CNTN4: variants seen among roughly 807,000 people sequenced by gnomAD.
The protein encoded by CNTN4 is contactin-4.
A neutral mutation model predicts 122.5 loss-of-function variants in CNTN4; 77 were observed. The observed-to-expected ratio is 0.63, with a 90% confidence interval of 0.52 to 0.76. The LOEUF is 0.76. Ranked by LOEUF, CNTN4 falls within the 30% of genes least tolerant of loss-of-function variation. CNTN4 has a pLI of 0.00. For synonymous variants in CNTN4, 512 were observed against 447.0 expected, an observed-to-expected ratio of 1.15 and a Z score of -1.83; for missense variants, 1,256 against 1,259.1, an observed-to-expected ratio of 1.00 and a Z score of 0.04.
chr3:3,034,663 A>G lies in CNTN4; in HGVS notation c.1815A>G (p.Ile605Met). 1.2e-6 allele frequency: 2 copies of G among 1,614,146 alleles called. No homozygotes were observed. Among genetic ancestry groups the G allele is most frequent in the Non-Finnish European group, 1.7e-6 (2 of 1,180,028 alleles). ...GPPGPPEAVT[I>M]DEITDTTAQL... is the part of the protein sequence containing the mutation. Reference sequence around the variant, plus strand: ...CAGGTCCCCCAGAGGCTGTGACAATAGACGAAATCACAGATACCACTGCTC... The same window carrying G: ...CAGGTCCCCCAGAGGCTGTGACAATGGACGAAATCACAGATACCACTGCTC... The change falls in exon 17 of 25, where the codon ATA (isoleucine) becomes ATG (methionine). Residue 605 changes from isoleucine to methionine, a missense_variant. Coordinates refer to ENST00000418658, the MANE Select transcript of CNTN4 (RefSeq NM_175607.3).
At chr3:2,598,672 T>C (rs181510263) in intron 4 of CNTN4, among the ~76,000 whole-genome samples, 1 of 152,274 alleles carries the variant, frequency 6.6e-6, no homozygotes, top group African/African-American at 2.4e-5. Context: ...TAATAGAAAT[T>C]CAGTAGAATT....
At chr3:2,318,937 A>G (rs566124002) in intron 2 of CNTN4, among the ~76,000 whole-genome samples, 2 of 152,192 alleles carry the variant, frequency 1.3e-5, no homozygotes, top group Non-Finnish European at 2.9e-5. Context: ...ATAATCCCCA[A>G]AACGCCCAAG....
In CNTN4 at chr3:2,222,850, A is replaced by G. The variant is rs79936177; in HGVS notation, c.-144-116328A>G. On this transcript the variant is annotated intron_variant, in intron 2 of 24. Coordinates refer to ENST00000418658, the MANE Select transcript of CNTN4 (RefSeq NM_175607.3). Reference sequence around the variant, plus strand: ...CATCTTTCTCATCTTTCTCTAAACTAAACAAACACTGGAATTACCACCATT... The same window carrying G: ...CATCTTTCTCATCTTTCTCTAAACTGAACAAACACTGGAATTACCACCATT... Among the ~76,000 whole-genome samples the G allele has an allele frequency of 7.6e-3, 1,151 of 152,238 alleles. 23 individuals carry two copies. The highest frequency in any genetic ancestry group is 0.026 in the African/African-American group (1,092 of 41,542).
intron 2 of CNTN4, among the ~76,000 whole-genome samples, chr3:2,137,711 G>T (rs947337463): frequency 2.6e-5 from 4 of 152,194 alleles, no homozygotes; most frequent in African/African-American, 9.6e-5. Flanking sequence ...TAAGCAGGAA[G>T]AAATGAATTT....
At chr3:2,904,683 T>G (rs1657463192) in intron 12 of CNTN4, among the ~76,000 whole-genome samples, 2 of 152,246 alleles carry the variant, frequency 1.3e-5, no homozygotes, top group Admixed American at 1.3e-4. Context: ...CTATTGGTAC[T>G]TGGAACTGAG....
chr3:2,305,353 C>T (rs1685458), intron 2 of CNTN4, among the ~76,000 whole-genome samples: 46,688 of 151,782 alleles, frequency 0.31, 7,726 homozygotes, highest in East Asian at 0.52. Flanking sequence ...TTTCACAGCA[C>T]ACTTGTTTCA....
At chr3:2,429,245 T>C (rs934281584) in intron 3 of CNTN4, among the ~76,000 whole-genome samples, 3 of 152,226 alleles carry the variant, frequency 2.0e-5, no homozygotes, top group African/African-American at 7.2e-5. Context: ...GATGGTGACC[T>C]ACAGATGGGA....
At position 2,387,018 on chromosome 3, in the gene CNTN4, G is replaced by C. The variant is rs150763236; in HGVS notation, c.-89+47785G>C. ...GACTACCTAAAGGGAAGAAATAGAAGTTAGAGTTTTGAACTTGCTAACCAT... is the reference window on the plus strand; with the variant it reads ...GACTACCTAAAGGGAAGAAATAGAACTTAGAGTTTTGAACTTGCTAACCAT... On this transcript the variant is annotated intron_variant, in intron 3 of 24. Transcript: ENST00000418658. Among the ~76,000 whole-genome samples, 236 of 152,280 alleles carry C rather than the reference G, an allele frequency of 1.5e-3. 2 individuals carry two copies. Among genetic ancestry groups the C allele is most frequent in the African/African-American group, 5.4e-3 (224 of 41,558 alleles).
rs1041550990 is a variant in CNTN4, at chr3:2,606,182, A to G, written c.55+34624A>G. Among the ~76,000 whole-genome samples the G allele has an allele frequency of 4.6e-5, 7 of 152,346 alleles. No homozygotes were observed. The South Asian group carries it at 1.4e-3, about 32-fold the overall frequency. ...ATTGATAGGGAGGTCAGTATGGACC[A>G]GATCACACTGGGCTTGGCAGGACAG... is the stretch of plus-strand genomic sequence containing the variant. On this transcript the variant is annotated intron_variant, in intron 4 of 24. Transcript: ENST00000418658.
At chr3:2,731,157 A>C (rs1247221709) in intron 4 of CNTN4, among the ~76,000 whole-genome samples, 1 of 152,090 alleles carries the variant, frequency 6.6e-6, no homozygotes, top group African/African-American at 2.4e-5. Flanking sequence ...TAATCCAAAA[A>C]TTTCAGATTA....
rs962642255 is a variant in CNTN4 at position 2,228,535 on chromosome 3, C to A, written c.-144-110643C>A. ...AGATCTCTCTACCTTAGCAAATAAA[C>A]AAAACATCATCATCAACAGTAATGA... On this transcript the variant is annotated intron_variant, in intron 2 of 24. Coordinates refer to ENST00000418658, the MANE Select transcript of CNTN4 (RefSeq NM_175607.3). Among the ~76,000 whole-genome samples, 10 of 152,076 alleles carry A rather than the reference C, an allele frequency of 6.6e-5. No homozygotes were observed. In the South Asian group the frequency reaches 1.5e-3, roughly 22 times the overall value.
At chr3:2,964,024 A>G (rs976214915) in intron 13 of CNTN4, among the ~76,000 whole-genome samples, 8 of 152,246 alleles carry the variant, frequency 5.3e-5, no homozygotes, top group Admixed American at 5.2e-4. Flanking sequence ...CATCTTTAGT[A>G]CATTGCCTGA....
intron 3 of CNTN4, among the ~76,000 whole-genome samples, chr3:2,357,992 C>T (rs1036757825): frequency 2.6e-5 from 4 of 152,142 alleles, no homozygotes; most frequent in African/African-American, 9.7e-5. Context: ...CTACACTTAT[C>T]GTTTCGTTTT....
intron 12 of CNTN4, among the ~76,000 whole-genome samples, chr3:2,915,200 G>A (rs1472956732): frequency 6.6e-6 from 1 of 152,160 alleles, no homozygotes; most frequent in Non-Finnish European, 1.5e-5. Context: ...CAAGTAGCTG[G>A]GATTACAGAC....
At chr3:2,894,096 A>G (rs1475914752) in intron 10 of CNTN4, among the ~76,000 whole-genome samples, 1 of 152,216 alleles carries the variant, frequency 6.6e-6, no homozygotes, top group Non-Finnish European at 1.5e-5. Flanking sequence ...TTTAATGAAA[A>G]GAGTAGCTTG....
chr3:2,465,726 A>T (rs2075473696), intron 3 of CNTN4, among the ~76,000 whole-genome samples: 1 of 152,112 alleles, frequency 6.6e-6, no homozygotes, highest in South Asian at 2.1e-4. Context: ...TAATTAGGAT[A>T]GCAAAGCAGG....
chr3:2,540,798 C>T (rs931851430), intron 3 of CNTN4, among the ~76,000 whole-genome samples: 28 of 152,026 alleles, frequency 1.8e-4, no homozygotes, highest in African/African-American at 5.8e-4. Flanking sequence ...AGTTTAAATC[C>T]TGTGCTTACT....
At chr3:2,225,040 C>T (rs963524365) in intron 2 of CNTN4, among the ~76,000 whole-genome samples, 4 of 151,824 alleles carry the variant, frequency 2.6e-5, no homozygotes, top group African/African-American at 9.7e-5. Context: ...GTCCCAGCTA[C>T]TCGGGAGGCT....
chr3:2,853,442 A>G (rs1239026155), intron 7 of CNTN4, among the ~76,000 whole-genome samples: 1 of 152,114 alleles, frequency 6.6e-6, no homozygotes, highest in African/African-American at 2.4e-5. Context: ...ATGGAGTTTC[A>G]CCACATTGGC....
Sources: gnomAD v4.1 joint callset for allele counts (sites outside exome capture counted in the v4.1 genomes callset) on GRCh38, gnomAD v4.1.1 for gene constraint, MANE v1.5 for transcripts, NCBI Gene and HGNC (gene_info 2026-07-23, HGNC 2026-07-21) for gene names.